Variants in CCRL2 observed in about 807,000 individuals in gnomAD.
The protein encoded by CCRL2 is C-C motif chemokine receptor like 2, also known as C-C chemokine receptor-like 2.
For synonymous variants in CCRL2, 181 were observed against 165.6 expected (o/e 1.09, Z -0.71); for missense variants, 451 against 412.4 (o/e 1.09, Z -0.81).
At chr3:46,408,033 G>A in intron 1 of CCRL2, 35 bp from the exon 2 acceptor site, 3 of 1,464,002 alleles carry the variant, frequency 2.0e-6, no homozygotes, top group Non-Finnish European at 2.7e-6. Flanking sequence ...TAAGGCAGCT[G>A]TCGGAGGGGA....
intron 1 of CCRL2, chr3:46,407,742 T>G: frequency 7.0e-7 from 1 of 1,422,540 alleles, no homozygotes; most frequent in Non-Finnish European, 9.6e-7. Flanking sequence ...TTCTTACATA[T>G]TGTGTTCATG....
At position 46,407,421 on chromosome 3, in the gene CCRL2, C is replaced by G; in HGVS notation, c.-94C>G. On this transcript the variant is annotated 5_prime_UTR_variant, in exon 1 of 2. It adds an upstream start codon to the 5' untranslated region. Transcript: ENST00000399036. ...AGCAGTCTGATCAAAAGGAGGGCAT[C>G]CACTGTCCGGGGCCATTCCCACAGC... 1.9e-6 allele frequency: 1 copy of G among 517,738 alleles called. No homozygotes were observed. The highest frequency in any genetic ancestry group is 3.3e-6 in the Non-Finnish European group (1 of 298,884). The allele number at this position is 517,738 out of a possible 1,614,324, so 32.1% of individuals were successfully genotyped here.
rs368262968 is a variant in CCRL2, at chr3:46,408,132, G to A, written c.53G>A (p.Gly18Asp). The A allele has an allele frequency of 5.6e-6, 9 of 1,605,374 alleles. No individual in the cohort carries two copies. In the Admixed American group the frequency reaches 6.8e-5, roughly 12 times the overall value. The change falls in exon 2 of 2, where the codon GGT becomes GAT. Residue 18 changes from glycine (G) to aspartate (D), a missense_variant. By Grantham distance (94) the Gly-to-Asp change is moderately conservative (BLOSUM62 -1). Coordinates refer to ENST00000399036, the MANE Select transcript of CCRL2 (RefSeq NM_003965.5). ...GATGAATATGATGTCCTCATAGAAG[G>A]TGAACTGGAGAGCGATGAGGCAGAG... ...PEDEYDVLIE[G>D]ELESDEAEQC... is the part of the protein sequence containing the mutation.
Position 46,407,453 on chromosome 3 carries a change from A to T in CCRL2, c.-62A>T. ...CCGGGGCCATTCCCACAGCTCCCGG[A>T]TGCTGGGTCTGGAGGCTGCGCCCTT... is the stretch of plus-strand genomic sequence containing the variant. On this transcript the variant is annotated 5_prime_UTR_variant, in exon 1 of 2. The change abolishes an upstream ATG in the 5' untranslated region. Coordinates refer to ENST00000399036, the MANE Select transcript of CCRL2 (RefSeq NM_003965.5). 1.8e-6 allele frequency: 1 copy of T among 563,270 alleles called. No individual in the cohort carries two copies. The allele number at this position is 563,270 out of a possible 1,614,324, so 34.9% of individuals were successfully genotyped here.
In CCRL2 at chr3:46,408,981, C is replaced by A; in HGVS notation, c.902C>A (p.Ala301Glu). 6.2e-7 allele frequency: 1 copy of A among 1,614,170 alleles called. No individual in the cohort carries two copies. The highest frequency in any genetic ancestry group is 8.5e-7 in the Non-Finnish European group (1 of 1,180,028). Residue 301 changes from alanine (A) to glutamate (E), a missense_variant, in exon 2 of 2, where the codon GCG becomes GAG. Physicochemically the swap from Ala to Glu is moderately radical, Grantham distance 107. Transcript: ENST00000399036. ...TGCTGCATCAACCCTCTCCTGTATG[C>A]GTTTCTTGATGGGACATTTAGCAAA... ...THCCINPLLY[A>E]FLDGTFSKYL...
chr3:46,409,228 G>A lies in CCRL2; in HGVS notation c.*114G>A. The A allele has an allele frequency of 1.9e-6, 2 of 1,030,056 alleles. No individual in the cohort carries two copies. Among genetic ancestry groups the A allele is most frequent in the Non-Finnish European group, 2.9e-6 (2 of 697,030 alleles). 63.8% of individuals were successfully genotyped at this position (1,030,056 alleles called of 1,614,324 possible). On this transcript the variant is annotated 3_prime_UTR_variant, in exon 2 of 2. Coordinates refer to ENST00000399036, the MANE Select transcript of CCRL2 (RefSeq NM_003965.5). Reference sequence around the variant, plus strand: ...AAATCGGATACAGGAAGAAAAGGGAGAGGTGAGCTAACATTTGCTAAGCAC... The same window carrying A: ...AAATCGGATACAGGAAGAAAAGGGAAAGGTGAGCTAACATTTGCTAAGCAC...
At position 46,408,735 on chromosome 3, in the gene CCRL2, T is replaced by C. The variant is rs1413153316; in HGVS notation, c.656T>C (p.Leu219Pro). Reference protein sequence around the residue: ...LVLPLFIFTFLYVQMRKTLRF... With the variant: ...LVLPLFIFTFPYVQMRKTLRF... ...CTCCCCCTATTTATTTTTACATTTC[T>C]CTATGTGCAAATGAGAAAAACACTA... is the stretch of plus-strand genomic sequence containing the variant. Residue 219 changes from leucine (L) to proline (P), a missense_variant, in exon 2 of 2, where the codon CTC becomes CCC. Leu to Pro is a moderately conservative substitution (Grantham distance 98, BLOSUM62 -3). Transcript: ENST00000399036. The C allele has an allele frequency of 1.2e-6, 2 of 1,614,166 alleles. No homozygotes were observed. The highest frequency in any genetic ancestry group is 3.3e-5 in the Admixed American group (2 of 60,010).
Position 46,408,906 on chromosome 3 carries a change from A to G in CCRL2, c.827A>G (p.Tyr276Cys). 3 of 1,614,200 alleles carry G rather than the reference A, an allele frequency of 1.9e-6. No homozygotes were observed. Among genetic ancestry groups the G allele is most frequent in the Non-Finnish European group, 2.5e-6 (3 of 1,180,046 alleles). ...HFSLSDCKSS[Y>C]NLDKSVHITK... is the part of the protein sequence containing the mutation. ...TCCCTGAGTGACTGCAAGAGCAGCT[A>G]CAATCTGGACAAAAGTGTTCACATC... Residue 276 changes from tyrosine (Y) to cysteine (C), a missense_variant, in exon 2 of 2, where the codon TAC becomes TGC. Physicochemically the swap from Tyr to Cys is radical, Grantham distance 194. Transcript: ENST00000399036.
intron 1 of CCRL2, 81 bp from the exon 2 acceptor site, chr3:46,407,987 T>C (rs773128791): frequency 1.1e-5 from 12 of 1,053,930 alleles, no homozygotes; most frequent in Non-Finnish European, 1.6e-5. Context: ...AGTGGGGCTG[T>C]ATGAATCCAG....
chr3:46,407,746 G>A (rs890203087), intron 1 of CCRL2: 7 of 1,376,672 alleles, frequency 5.1e-6, no homozygotes, highest in Non-Finnish European at 6.0e-6. Flanking sequence ...TACATATTGT[G>A]TTCATGTAGG....
Sources: gnomAD v4.1 joint callset for allele counts on GRCh38, gnomAD v4.1.1 for gene constraint, MANE v1.5 for transcripts, NCBI Gene and HGNC (gene_info 2026-07-23, HGNC 2026-07-21) for gene names.